Variants in ARID4B observed in about 807,000 individuals in gnomAD.
ARID4B encodes AT-rich interaction domain 4B.
A neutral mutation model predicts 147.5 loss-of-function variants in ARID4B; 26 were observed. The observed-to-expected ratio is 0.18, with a 90% CI of 0.13 to 0.24. ARID4B has a LOEUF of 0.24. ARID4B is among the 10% of genes least tolerant of loss of function. The probability of loss-of-function intolerance (pLI) is 1.00; values close to 1 mark genes in which losing one functional copy is unlikely to be tolerated. For missense variants in ARID4B, 1,179 were observed against 1,511.5 expected (o/e 0.78, Z 3.65); for synonymous variants, 512 against 507.9 (o/e 1.01, Z -0.11).
chr1:235,174,602 G>A (rs1176997), intron 22 of ARID4B, among the ~76,000 whole-genome samples: 151,777 of 151,778 alleles, frequency 1, 75,888 homozygotes, highest in Non-Finnish European at 1. Flanking sequence ...GGAGTTCAAG[G>A]CCAGCCTGGC....
At chr1:235,236,154 A>G (rs535549002) in intron 8 of ARID4B, among the ~76,000 whole-genome samples, 1 of 152,112 alleles carries the variant, frequency 6.6e-6, no homozygotes, top group South Asian at 2.1e-4. Flanking sequence ...AAAATAACAT[A>G]AATTAGAAAC....
chr1:235,254,926 A>C (rs1669858891), intron 5 of ARID4B, among the ~76,000 whole-genome samples: 1 of 151,974 alleles, frequency 6.6e-6, no homozygotes, highest in African/African-American at 2.4e-5. Flanking sequence ...TTTAAATGAC[A>C]TAAAATCTGA....
Position 235,219,833 on chromosome 1 carries a change from T to TGAG in ARID4B, c.1540_1542dup (p.Leu514dup). The TGAG allele has an allele frequency of 1.2e-6, 2 of 1,602,702 alleles. No homozygotes were observed. The highest frequency in any genetic ancestry group is 1.7e-6 in the Non-Finnish European group (2 of 1,177,406). On this transcript the variant is annotated inframe_insertion, in exon 16 of 24. Coordinates refer to ENST00000264183, the MANE Select transcript of ARID4B (RefSeq NM_016374.6). ...TCTTCCTCAGCTTCTACCTTTATGT[T>TGAG]GAGGGATTCATCTACCCTAGTTGTG...
intron 8 of ARID4B, among the ~76,000 whole-genome samples, chr1:235,236,846 A>ATATATATATATATGTG (rs1668618692): frequency 8.7e-5 from 3 of 34,530 alleles, no homozygotes; most frequent in Non-Finnish European, 1.7e-4. Flanking sequence ...ATATATATAT[A>ATATATATATATATGTG]TATATATATA....
chr1:235,309,694 C>CG (rs1312743530), intron 2 of ARID4B, among the ~76,000 whole-genome samples: 1 of 151,580 alleles, frequency 6.6e-6, no homozygotes, highest in Non-Finnish European at 1.5e-5. Context: ...TCATTGAGAA[C>CG]GGGCCATGAT....
Position 235,214,112 on chromosome 1 carries a change from T to C in ARID4B, c.1584-86A>G. On this transcript the variant is annotated intron_variant, in intron 16 of 23. Transcript: ENST00000264183. ...AAACCACATATATTGATAAAAGTTG[T>C]GGCTGTGATTGTTCCAGGAAAAGCA... The C allele has an allele frequency of 2.0e-6, 3 of 1,471,880 alleles. No homozygotes were observed. The Admixed American group carries it at 6.9e-5, about 34-fold the overall frequency. 91.2% of individuals were successfully genotyped at this position (1,471,880 alleles called of 1,614,324 possible).
At chr1:235,255,553 A>G in intron 5 of ARID4B, 107 bp downstream of exon 5, 1 of 643,570 alleles carries the variant, frequency 1.6e-6, no homozygotes, top group South Asian at 2.5e-5. Context: ...TAACAGTAAT[A>G]ATATCTAGGG....
chr1:235,216,380 C>T (rs943135159), intron 16 of ARID4B, among the ~76,000 whole-genome samples: 4 of 151,972 alleles, frequency 2.6e-5, no homozygotes, highest in Non-Finnish European at 5.9e-5. Context: ...CAGAGTCTCG[C>T]TCTGTTGCCC....
At chr1:235,214,146 G>A (rs375744877) in intron 16 of ARID4B, 120 bp from the exon 17 acceptor site, 8 of 1,236,918 alleles carry the variant, frequency 6.5e-6, no homozygotes, top group Non-Finnish European at 7.6e-6. Flanking sequence ...CAGGTTCCAC[G>A]TGTATGAAAT....
chr1:235,307,967 T>A (rs1440716994), intron 2 of ARID4B, among the ~76,000 whole-genome samples: 1 of 151,980 alleles, frequency 6.6e-6, no homozygotes, highest in Admixed American at 6.6e-5. Context: ...GTAGCTGGAA[T>A]TACAGGCACA....
At chr1:235,284,136 C>A (rs1671830851) in intron 2 of ARID4B, among the ~76,000 whole-genome samples, 1 of 152,022 alleles carries the variant, frequency 6.6e-6, no homozygotes, top group Non-Finnish European at 1.5e-5. Flanking sequence ...CCTAGACAGG[C>A]AGATCACTGA....
chr1:235,194,585 C>G (rs1467103551), intron 18 of ARID4B, among the ~76,000 whole-genome samples: 1 of 152,104 alleles, frequency 6.6e-6, no homozygotes, highest in Non-Finnish European at 1.5e-5. Context: ...CTTTGGGAGG[C>G]CGCGGCAGGT....
intron 2 of ARID4B, among the ~76,000 whole-genome samples, chr1:235,320,879 C>A (rs933928885): frequency 6.6e-6 from 1 of 152,204 alleles, no homozygotes; most frequent in Admixed American, 6.5e-5. Flanking sequence ...AATGTCATCT[C>A]GAAAAGGCCC....
At chr1:235,247,327 G>A (rs1669358679) in intron 6 of ARID4B, among the ~76,000 whole-genome samples, 1 of 152,108 alleles carries the variant, frequency 6.6e-6, no homozygotes, top group African/African-American at 2.4e-5. Flanking sequence ...GAATTAAAGA[G>A]CAGGCATCTA....
chr1:235,294,907 C>G (rs917034772), intron 2 of ARID4B, among the ~76,000 whole-genome samples: 1 of 151,484 alleles, frequency 6.6e-6, no homozygotes, highest in Admixed American at 6.6e-5. Context: ...CCTTAGAAAC[C>G]AAAACCAAAC....
At chr1:235,212,907 C>T (rs1666797980) in intron 17 of ARID4B, among the ~76,000 whole-genome samples, 1 of 152,158 alleles carries the variant, frequency 6.6e-6, no homozygotes, top group Non-Finnish European at 1.5e-5. Context: ...CTTGAAGACA[C>T]TAGGTACACC....
intron 6 of ARID4B, 80 bp downstream of exon 6, chr1:235,252,650 T>C: frequency 8.4e-7 from 1 of 1,189,890 alleles, no homozygotes; most frequent in East Asian, 2.4e-5. Context: ...GGAAGTAGGT[T>C]TACTGAGTTG....
At chr1:235,263,144 CCAGTAAAATTTTATTTT>C (rs1247849784) in intron 2 of ARID4B, among the ~76,000 whole-genome samples, 1 of 151,774 alleles carries the variant, frequency 6.6e-6, no homozygotes, top group Non-Finnish European at 1.5e-5. Context: ...GCCATACTAG[CCAGTAAAATTTTATTTT>C]CAGAGACAAA....
At position 235,213,982 on chromosome 1, in the gene ARID4B, T is replaced by C. The variant is rs1174647853; in HGVS notation, c.1628A>G (p.Glu543Gly). The change falls in exon 17 of 24, where the codon GAA (glutamate) becomes GGA (glycine). Residue 543 changes from glutamate (E) to glycine (G), a missense_variant. Glu to Gly is a moderately conservative substitution (Grantham distance 98). This residue lies in a region of ARID4B where 204 missense variants were observed against 210.9 expected (regional missense o/e 0.97). Coordinates refer to ENST00000264183, the MANE Select transcript of ARID4B (RefSeq NM_016374.6). Reference sequence around the variant, plus strand: ...TTCTTCTTCCTCCTCCTCCTCCTCTTCTGCTTCTTCATCATCTTCATCTTC... The same window carrying C: ...TTCTTCTTCCTCCTCCTCCTCCTCTCCTGCTTCTTCATCATCTTCATCTTC... Reference protein sequence around the residue: ...KEEDEDDEEAEEEEEEEEEEE... With the variant: ...KEEDEDDEEAGEEEEEEEEEE... The C allele has an allele frequency of 6.3e-7, 1 of 1,590,684 alleles. No individual in the cohort carries two copies. Among genetic ancestry groups the C allele is most frequent in the Admixed American group, 1.7e-5 (1 of 59,952 alleles).
Sources: gnomAD v4.1 joint callset for allele counts (sites outside exome capture counted in the v4.1 genomes callset) on GRCh38, gnomAD v4.1.1 for gene constraint, gnomAD v4.1.1 regional missense constraint, MANE v1.5 for transcripts, NCBI Gene and HGNC (gene_info 2026-07-23, HGNC 2026-07-21) for gene names.